Variants in ADAMTSL1 observed in about 807,000 individuals in gnomAD.
The protein encoded by ADAMTSL1 is ADAMTS like 1, also known as ADAMTS-like protein 1.
A neutral mutation model predicts 201.8 loss-of-function variants in ADAMTSL1; 126 were observed. That is an observed-to-expected ratio of 0.62 (90% confidence interval 0.54 to 0.72). ADAMTSL1 has a LOEUF of 0.72. Ranked by LOEUF, ADAMTSL1 falls within the 30% of genes least tolerant of loss-of-function variation. The probability of loss-of-function intolerance (pLI) is 0.00; values close to 1 mark genes in which losing one functional copy is unlikely to be tolerated. For synonymous variants in ADAMTSL1, 1,121 were observed against 903.4 expected, an observed-to-expected ratio of 1.24 and a Z score of -4.32; for missense variants, 2,679 against 2,277.8, an observed-to-expected ratio of 1.18 and a Z score of -3.59.
intron 2 of ADAMTSL1, among the ~76,000 whole-genome samples, chr9:18,277,177 A>G (rs1457686902): frequency 1.3e-5 from 2 of 152,202 alleles, no homozygotes; most frequent in Admixed American, 6.5e-5. Context: ...TCTATCCTGC[A>G]TAATGTTCTT....
chr9:18,230,735 T>C (rs1830617372), intron 2 of ADAMTSL1, among the ~76,000 whole-genome samples: 1 of 152,168 alleles, frequency 6.6e-6, no homozygotes, highest in Non-Finnish European at 1.5e-5. Flanking sequence ...TTCCTAAACA[T>C]TATTATAATT....
At chr9:18,587,516 T>C (rs1395946914) in intron 4 of ADAMTSL1, among the ~76,000 whole-genome samples, 2 of 152,188 alleles carry the variant, frequency 1.3e-5, no homozygotes, top group African/African-American at 2.4e-5. Context: ...TTTCTAGCTA[T>C]TTGGAAATAT....
At chr9:18,527,996 G>A (rs1208864010) in intron 2 of ADAMTSL1, among the ~76,000 whole-genome samples, 2 of 152,058 alleles carry the variant, frequency 1.3e-5, no homozygotes, top group African/African-American at 4.8e-5. Flanking sequence ...TCCTGCCTCA[G>A]CCTCCTGAGT....
chr9:18,250,556 C>A (rs778949207), intron 2 of ADAMTSL1, among the ~76,000 whole-genome samples: 8 of 151,958 alleles, frequency 5.3e-5, no homozygotes, highest in Non-Finnish European at 8.8e-5. Context: ...CCTTCTGAGC[C>A]CTAGAAAACC....
chr9:18,734,124 T>C (rs1818375850), intron 15 of ADAMTSL1, among the ~76,000 whole-genome samples: 1 of 152,214 alleles, frequency 6.6e-6, no homozygotes, highest in Non-Finnish European at 1.5e-5. Context: ...CTTCAGTTTC[T>C]TCCTCTTTAA....
chr9:17,971,738 C>T (rs1360229), intron 1 of ADAMTSL1, among the ~76,000 whole-genome samples: 122,348 of 151,856 alleles, frequency 0.81, 49,642 homozygotes, highest in East Asian at 0.92. Flanking sequence ...TCTGCCTGTA[C>T]ACTTGAAGAT....
intron 23 of ADAMTSL1, among the ~76,000 whole-genome samples, chr9:18,870,437 T>C (rs1467592735): frequency 1.3e-5 from 2 of 152,228 alleles, no homozygotes; most frequent in Non-Finnish European, 2.9e-5. Flanking sequence ...AACTGAAATC[T>C]CTGCTCTGTT....
At chr9:18,788,113 G>T (rs1413886644) in intron 19 of ADAMTSL1, among the ~76,000 whole-genome samples, 1 of 151,994 alleles carries the variant, frequency 6.6e-6, no homozygotes, top group Non-Finnish European at 1.5e-5. Context: ...AACAGCAAAG[G>T]TTAAAAAAAG....
chr9:18,527,622 A>G (rs1437618781), intron 2 of ADAMTSL1, among the ~76,000 whole-genome samples: 1 of 152,184 alleles, frequency 6.6e-6, no homozygotes, highest in Non-Finnish European at 1.5e-5. Flanking sequence ...AAACTATAAC[A>G]TCAGGATTTT....
chr9:17,952,229 C>G (rs1169236395), intron 1 of ADAMTSL1, among the ~76,000 whole-genome samples: 1 of 151,528 alleles, frequency 6.6e-6, no homozygotes, highest in Admixed American at 6.6e-5. Context: ...GCTGGGATTA[C>G]AGGTGTGAGC....
intron 1 of ADAMTSL1, among the ~76,000 whole-genome samples, chr9:17,940,000 C>T (rs916604153): frequency 2.0e-5 from 3 of 151,880 alleles, no homozygotes; most frequent in African/African-American, 4.8e-5. Flanking sequence ...AACAGCATTG[C>T]AGAGGCATGG....
intron 3 of ADAMTSL1, among the ~76,000 whole-genome samples, chr9:18,535,822 T>G (rs72688625): frequency 0.068 from 10,339 of 152,188 alleles, 471 homozygotes; most frequent in South Asian, 0.16. Context: ...TTGTGAGAAC[T>G]TACTATCATG....
chr9:18,688,876 G>A (rs938680818), intron 13 of ADAMTSL1, among the ~76,000 whole-genome samples: 2 of 149,876 alleles, frequency 1.3e-5, no homozygotes, highest in Non-Finnish European at 3.0e-5. Context: ...TTTTTCCGAG[G>A]GTAATAGCAG....
rs192170124 is a variant in ADAMTSL1 at position 18,311,981 on chromosome 9, C to T, written c.207+148000C>T. 7.7e-4 allele frequency among the ~76,000 whole-genome samples: 118 copies of T among 152,282 alleles called. 1 individual carries two copies. The highest frequency in any genetic ancestry group is 2.7e-3 in the African/African-American group (111 of 41,564). The stretch of plus-strand genomic sequence containing the variant: ...TTACATATCTGTTGAATGCCTTTTA[C>T]GTGCTGTTCTGGGCACTAATGATAA... On this transcript the variant is annotated intron_variant, in intron 2 of 29. Transcript: ENST00000680146.
chr9:17,952,716 G>A (rs1299012622), intron 1 of ADAMTSL1, among the ~76,000 whole-genome samples: 3 of 152,022 alleles, frequency 2.0e-5, no homozygotes, highest in Non-Finnish European at 2.9e-5. Context: ...TAATAGAGGC[G>A]GGGTTTCACC....
At chr9:18,481,569 T>G (rs539466516) in intron 1 of ADAMTSL1, among the ~76,000 whole-genome samples, 1 of 152,236 alleles carries the variant, frequency 6.6e-6, no homozygotes, top group East Asian at 1.9e-4. Flanking sequence ...TGGACATTAT[T>G]ATTTTCAATT....
chr9:17,924,655 A>G (rs2131301500), intron 1 of ADAMTSL1, among the ~76,000 whole-genome samples: 1 of 149,636 alleles, frequency 6.7e-6, no homozygotes, highest in East Asian at 2.0e-4. Flanking sequence ...AGCCATATGT[A>G]GGAAGCTGAA....
intron 23 of ADAMTSL1, among the ~76,000 whole-genome samples, chr9:18,858,718 C>T (rs1051318413): frequency 6.6e-6 from 1 of 152,162 alleles, no homozygotes; most frequent in Non-Finnish European, 1.5e-5. Context: ...TCAAATCTTA[C>T]CTATCTGCCA....
chr9:18,037,794 A>C (rs1264170846), intron 1 of ADAMTSL1, among the ~76,000 whole-genome samples: 2 of 152,166 alleles, frequency 1.3e-5, no homozygotes, highest in Non-Finnish European at 2.9e-5. Context: ...TATAAGAGAA[A>C]TGCATCCTCT....
Sources: allele counts gnomAD v4.1 joint callset (sites outside exome capture counted in the v4.1 genomes callset), GRCh38; gene constraint gnomAD v4.1.1; transcripts MANE v1.5; gene names NCBI Gene and HGNC (gene_info 2026-07-23, HGNC 2026-07-21).